SCNN1G: variants seen among roughly 807,000 people sequenced by gnomAD.
SCNN1G encodes the protein epithelial sodium channel subunit gamma.
In SCNN1G, 27 loss-of-function variants were observed where a neutral mutation model predicts 64.6. The observed-to-expected ratio is 0.42, with a 90% CI of 0.31 to 0.58. The LOEUF is 0.58. Ranked by LOEUF, SCNN1G falls within the 20% of genes least tolerant of loss-of-function variation. SCNN1G has a pLI of 0.18. For synonymous variants in SCNN1G, 330 were observed against 314.2 expected (o/e 1.05, Z -0.53); for missense variants, 743 against 823.4 (o/e 0.90, Z 1.19).
intron 4 of SCNN1G, among the ~76,000 whole-genome samples, chr16:23,193,944 A>C (rs1231631093): frequency 7.0e-6 from 1 of 143,018 alleles, no homozygotes; most frequent in Non-Finnish European, 1.5e-5. Flanking sequence ...GAAGGTGAGA[A>C]GATTCCGAGA....
chr16:23,201,743 A>G (rs1247755783), intron 6 of SCNN1G, among the ~76,000 whole-genome samples: 1 of 152,194 alleles, frequency 6.6e-6, no homozygotes, highest in Non-Finnish European at 1.5e-5. Context: ...CAAAGCACTG[A>G]ATATTAAAAG....
At chr16:23,206,738 T>TA (rs1959997458) in intron 6 of SCNN1G, among the ~76,000 whole-genome samples, 1 of 152,120 alleles carries the variant, frequency 6.6e-6, no homozygotes, top group Non-Finnish European at 1.5e-5. Context: ...CATATACCCC[T>TA]ATACCTACAC....
intron 6 of SCNN1G, among the ~76,000 whole-genome samples, chr16:23,200,237 G>A (rs569651643): frequency 6.6e-6 from 1 of 152,214 alleles, no homozygotes; most frequent in Non-Finnish European, 1.5e-5. Context: ...GTTATTCTAA[G>A]AGGCAGCACC....
intron 1 of SCNN1G, among the ~76,000 whole-genome samples, chr16:23,185,859 G>A (rs768994794): frequency 6.6e-6 from 1 of 152,146 alleles, no homozygotes; most frequent in Non-Finnish European, 1.5e-5. Flanking sequence ...GATAAGGCAC[G>A]GGTACCCCTG....
intron 4 of SCNN1G, among the ~76,000 whole-genome samples, chr16:23,193,602 T>C (rs1959747407): frequency 6.6e-6 from 1 of 152,174 alleles, no homozygotes; most frequent in Non-Finnish European, 1.5e-5. Context: ...TGAGCCATAA[T>C]TGCGCCACTG....
In SCNN1G at chr16:23,214,153, A is replaced by G. The variant is rs1356099553; in HGVS notation, c.1494-559A>G. ...ACTGGCTCAGCCAATTATTGACAGC[A>G]TAGTCTTGGACAAGTTCCTTAACCA... On this transcript the variant is annotated intron_variant, in intron 11 of 12. Transcript: ENST00000300061. 2.0e-5 allele frequency among the ~76,000 whole-genome samples: 3 copies of G among 152,234 alleles called. No individual in the cohort carries two copies. The East Asian group carries it at 5.8e-4, about 29-fold the overall frequency.
intron 9 of SCNN1G, 37 bp from the exon 10 acceptor site, chr16:23,212,800 G>A: frequency 6.2e-7 from 1 of 1,613,872 alleles, no homozygotes; most frequent in Non-Finnish European, 8.5e-7. Context: ...GGGTTGGGTT[G>A]GGCTGCCTAC....
intron 6 of SCNN1G, among the ~76,000 whole-genome samples, chr16:23,202,428 G>A (rs1959908076): frequency 6.6e-6 from 1 of 152,096 alleles, no homozygotes; most frequent in South Asian, 2.1e-4. Context: ...AGAAGCTACT[G>A]GAGAAGGCTT....
At position 23,194,029 on chromosome 16, in the gene SCNN1G, A is replaced by T. The variant is rs1450607218; in HGVS notation, c.810-142A>T. The stretch of plus-strand genomic sequence containing the variant: ...GATGAGGGGCCTTGTTTGTCATTTG[A>T]TCAGGAGCAAGATGGGGAAAATGAG... On this transcript the variant is annotated intron_variant, in intron 4 of 12. Coordinates refer to ENST00000300061, the MANE Select transcript of SCNN1G (RefSeq NM_001039.4). 5.7e-6 allele frequency: 4 copies of T among 704,116 alleles called. No individual in the cohort carries two copies. In the Admixed American group the frequency reaches 6.1e-5, roughly 11 times the overall value. 43.6% of individuals were successfully genotyped at this position (704,116 alleles called of 1,614,324 possible). A position where few individuals can be genotyped will look rare whatever the true frequency, so the allele number is the denominator to read the frequency against.
chr16:23,197,235 G>A, intron 5 of SCNN1G, 29 bp from the exon 6 acceptor site: 3 of 1,606,654 alleles, frequency 1.9e-6, no homozygotes, highest in Non-Finnish European at 2.6e-6. Flanking sequence ...CCTAGCCTTG[G>A]ATCACAGCAG....
In SCNN1G at chr16:23,197,287, A is replaced by G. The variant is rs1183305158; in HGVS notation, c.937A>G (p.Asn313Asp). 6.2e-7 allele frequency: 1 copy of G among 1,613,788 alleles called. No individual in the cohort carries two copies. The highest frequency in any genetic ancestry group is 8.5e-7 in the Non-Finnish European group (1 of 1,179,952). ...EYGLQVILYI[N>D]EEEYNPFLVS... ...AGGGCTGCAAGTCATTTTGTACATA[A>G]ACGAAGAGGAATACAACCCATTCCT... is the stretch of plus-strand genomic sequence containing the variant. Residue 313 changes from asparagine to aspartate, a missense_variant, in exon 6 of 13, where the codon AAC (asparagine) becomes GAC (aspartate). By Grantham distance (23) the Asn-to-Asp change is conservative (BLOSUM62 1). Coordinates refer to ENST00000300061, the MANE Select transcript of SCNN1G (RefSeq NM_001039.4).
At chr16:23,193,502 A>C (rs1959745777) in intron 4 of SCNN1G, among the ~76,000 whole-genome samples, 1 of 152,078 alleles carries the variant, frequency 6.6e-6, no homozygotes, top group Non-Finnish European at 1.5e-5. Flanking sequence ...TCAAAAACTT[A>C]TCTGGGCATA....
chr16:23,188,685 TG>T (rs1395411217), intron 2 of SCNN1G, among the ~76,000 whole-genome samples: 1 of 152,110 alleles, frequency 6.6e-6, no homozygotes, highest in Non-Finnish European at 1.5e-5. Flanking sequence ...AGTACCAGGA[TG>T]GGGAACCTAA....
intron 3 of SCNN1G, among the ~76,000 whole-genome samples, chr16:23,190,559 A>G (rs1455096223): frequency 1.3e-5 from 2 of 152,182 alleles, no homozygotes; most frequent in Admixed American, 6.5e-5. Flanking sequence ...TTAATGCTTA[A>G]GAGTCAAATT....
rs772571247 is a variant in SCNN1G at position 23,186,223 on chromosome 16, T to C, written c.-44-5T>C. 6.3e-7 allele frequency: 1 copy of C among 1,594,558 alleles called. No individual in the cohort carries two copies. The highest frequency in any genetic ancestry group is 8.6e-7 in the Non-Finnish European group (1 of 1,162,892). ...CTCACCTGCTTCTCTTCTTTGCCCC[T>C]CCAGCACGCCCGTCCTCAGAGTCCC... On this transcript the variant is annotated splice_region_variant and splice_polypyrimidine_tract_variant and intron_variant, in intron 1 of 12. Coordinates refer to ENST00000300061, the MANE Select transcript of SCNN1G (RefSeq NM_001039.4).
intron 5 of SCNN1G, among the ~76,000 whole-genome samples, chr16:23,197,022 A>C (rs933455152): frequency 2.0e-5 from 3 of 152,208 alleles, no homozygotes; most frequent in Non-Finnish European, 4.4e-5. Flanking sequence ...GCTTGGCAAG[A>C]ACTGTGACAG....
At chr16:23,197,225 C>T (rs753387484) in intron 5 of SCNN1G, 39 bp from the exon 6 acceptor site, 2 of 1,592,998 alleles carry the variant, frequency 1.3e-6, no homozygotes, top group East Asian at 2.2e-5. Flanking sequence ...GAAATGTTTT[C>T]CTAGCCTTGG....
intron 6 of SCNN1G, among the ~76,000 whole-genome samples, chr16:23,206,476 G>T (rs1056609174): frequency 1.3e-5 from 2 of 152,186 alleles, no homozygotes; most frequent in Non-Finnish European, 2.9e-5. Context: ...CTTGCTGGGT[G>T]CAGCGCCCCA....
intron 2 of SCNN1G, among the ~76,000 whole-genome samples, chr16:23,186,892 A>G (rs566340978): frequency 6.6e-6 from 1 of 151,442 alleles, no homozygotes; most frequent in South Asian, 2.1e-4. Context: ...GCTCACTGCA[A>G]CCTCCACCTC....
Sources: allele counts gnomAD v4.1 joint callset (sites outside exome capture counted in the v4.1 genomes callset), GRCh38; gene constraint gnomAD v4.1.1; transcripts MANE v1.5; gene names NCBI Gene and HGNC (gene_info 2026-07-23, HGNC 2026-07-21).